Variants in MAMLD1 observed in about 807,000 individuals in gnomAD.
The protein encoded by MAMLD1 is mastermind-like domain-containing protein 1.
A neutral mutation model predicts 45.0 loss-of-function variants in MAMLD1; 14 were observed. The ratio of observed to expected loss-of-function variants is 0.31; its 90% confidence interval spans 0.21 to 0.49. The LOEUF (loss-of-function observed/expected upper bound fraction) is 0.49. Ranked by LOEUF, MAMLD1 falls within the 20% of genes least tolerant of loss-of-function variation. The pLI is 0.99. For missense variants in MAMLD1, 543 were observed against 603.6 expected, an observed-to-expected ratio of 0.90 and a Z score of 1.05; for synonymous variants, 254 against 247.8, an observed-to-expected ratio of 1.02 and a Z score of -0.24.
chrX:150,461,680 C>CTGCATGGTTT (rs1438872567), intron 2 of MAMLD1, among the ~76,000 whole-genome samples: 4 of 111,414 alleles, frequency 3.6e-5, no homozygotes, highest in African/African-American at 1.3e-4. Context: ...CTGCATGGGA[C>CTGCATGGTTT]GGAGAAGACC....
At chrX:150,404,618 C>T (rs960759622) in intron 1 of MAMLD1, among the ~76,000 whole-genome samples, 5 of 111,224 alleles carry the variant, frequency 4.5e-5, no homozygotes, top group African/African-American at 1.6e-4. Flanking sequence ...ACACCATCAC[C>T]CCAGTCAAGA....
At chrX:150,505,464 G>A (rs1465463608) in intron 6 of MAMLD1, among the ~76,000 whole-genome samples, 1 of 112,206 alleles carries the variant, frequency 8.9e-6, no homozygotes, top group African/African-American at 3.2e-5. Flanking sequence ...GTAGACCCAT[G>A]ACCATGTTTG....
chrX:150,504,034 C>G (rs1200250436), intron 6 of MAMLD1: 2 of 752,438 alleles, frequency 2.7e-6, no homozygotes, highest in Non-Finnish European at 3.1e-6. Flanking sequence ...GACTCCCACA[C>G]CCTAGAGGCA....
chrX:150,482,171 T>A (rs1268437480), intron 5 of MAMLD1, among the ~76,000 whole-genome samples: 1 of 112,274 alleles, frequency 8.9e-6, no homozygotes, highest in Non-Finnish European at 1.9e-5. Flanking sequence ...TAGAATATTA[T>A]TCAGCCTTAA....
At chrX:150,488,815 T>C (rs782353688) in intron 5 of MAMLD1, among the ~76,000 whole-genome samples, 2 of 112,924 alleles carry the variant, frequency 1.8e-5, no homozygotes, top group Non-Finnish European at 3.7e-5. Flanking sequence ...AAGCCACCCA[T>C]TTGCTGGGTC....
At chrX:150,455,246 G>C (rs2035815763) in intron 2 of MAMLD1, among the ~76,000 whole-genome samples, 1 of 112,230 alleles carries the variant, frequency 8.9e-6, no homozygotes, top group Non-Finnish European at 1.9e-5. Flanking sequence ...AAAAAGTTAA[G>C]TTTGGATGAG....
chrX:150,436,506 T>C (rs1260836095), intron 1 of MAMLD1, among the ~76,000 whole-genome samples: 1 of 112,051 alleles, frequency 8.9e-6, no homozygotes, highest in Non-Finnish European at 1.9e-5. Context: ...GCTTGGTCAG[T>C]CCTGCTGTTA....
At chrX:150,374,110 A>T (rs1557401382) in intron 1 of MAMLD1, among the ~76,000 whole-genome samples, 1 of 112,631 alleles carries the variant, frequency 8.9e-6, no homozygotes, top group East Asian at 2.8e-4. Flanking sequence ...CCTCTTAGGG[A>T]TCACAGACTT....
At chrX:150,499,943 A>C (rs1385576899) in intron 5 of MAMLD1, among the ~76,000 whole-genome samples, 10 of 111,705 alleles carry the variant, frequency 9.0e-5, no homozygotes, top group Admixed American at 4.7e-4. Flanking sequence ...TGTTTATCCC[A>C]AAAAAAAGAC....
At position 150,459,390 on chromosome X, in the gene MAMLD1, G is replaced by GTC. The variant is rs369898273; in HGVS notation, c.97-3364_97-3363dup. ...TCTGCTTGTAGAGGAAGTTGGTATA[G>GTC]TCTCTCTCTCTCTCTCTCTTTCTCT... On this transcript the variant is annotated intron_variant, in intron 2 of 7. Coordinates refer to ENST00000370401, the MANE Select transcript of MAMLD1 (RefSeq NM_005491.5). Among the ~76,000 whole-genome samples, 143 of 108,853 alleles carry GTC rather than the reference G, an allele frequency of 1.3e-3. 1 individual carries two copies. Among genetic ancestry groups the GTC allele is most frequent in the Non-Finnish European group, 1.8e-3 (95 of 52,116 alleles). The allele number at this position is 108,853 out of a possible 115,157, so 94.5% of individuals were successfully genotyped here.
chrX:150,503,155 G>A (rs958553180), intron 5 of MAMLD1, 119 bp from the exon 6 acceptor site: 1 of 632,878 alleles, frequency 1.6e-6, no homozygotes, highest in African/African-American at 2.2e-5. Context: ...CACCAAAGCA[G>A]TTGGTGGGTA....
intron 1 of MAMLD1, among the ~76,000 whole-genome samples, chrX:150,416,705 T>C (rs2034257504): frequency 8.9e-6 from 1 of 112,624 alleles, no homozygotes; most frequent in African/African-American, 3.2e-5. Flanking sequence ...GAAAATTAAA[T>C]TGTTCCCTCC....
intron 5 of MAMLD1, among the ~76,000 whole-genome samples, chrX:150,487,923 C>G (rs1557407716): frequency 8.9e-6 from 1 of 112,950 alleles, no homozygotes; most frequent in Non-Finnish European, 1.9e-5. Flanking sequence ...GTGTGTTGCA[C>G]AAGTGCTATC....
intron 1 of MAMLD1, among the ~76,000 whole-genome samples, chrX:150,390,941 T>C (rs1217693325): frequency 8.9e-6 from 1 of 112,162 alleles, no homozygotes; most frequent in Admixed American, 9.4e-5. Context: ...AGATACATAA[T>C]TTGGGGTTGA....
chrX:150,365,097 C>A (rs1398499486), intron 1 of MAMLD1, among the ~76,000 whole-genome samples: 1 of 107,157 alleles, frequency 9.3e-6, no homozygotes, highest in Non-Finnish European at 2.0e-5. Flanking sequence ...CTTTATAGAT[C>A]CCCCCTCCCT....
chrX:150,497,430 C>T (rs1169386496), intron 5 of MAMLD1, among the ~76,000 whole-genome samples: 1 of 108,493 alleles, frequency 9.2e-6, no homozygotes, highest in Admixed American at 9.9e-5. Context: ...ACTACAGGCA[C>T]GCACCACCAT....
intron 5 of MAMLD1, among the ~76,000 whole-genome samples, chrX:150,475,478 T>C (rs2036557352): frequency 8.9e-6 from 1 of 112,620 alleles, no homozygotes; most frequent in African/African-American, 3.2e-5. Context: ...CATTTTTATG[T>C]ACAGACCAGC....
At chrX:150,453,695 T>G (rs1414590422) in intron 2 of MAMLD1, among the ~76,000 whole-genome samples, 3 of 111,835 alleles carry the variant, frequency 2.7e-5, no homozygotes, top group African/African-American at 9.8e-5. Context: ...TCCCATAGCC[T>G]GCAAGACCCT....
At chrX:150,449,904 C>T (rs2035607876) in intron 2 of MAMLD1, among the ~76,000 whole-genome samples, 1 of 111,957 alleles carries the variant, frequency 8.9e-6, no homozygotes, top group South Asian at 3.8e-4. Context: ...TGCACATTCG[C>T]TCATTTGCTT....
Sources: gnomAD v4.1 joint callset for allele counts (sites outside exome capture counted in the v4.1 genomes callset) on GRCh38, gnomAD v4.1.1 for gene constraint, MANE v1.5 for transcripts, NCBI Gene and HGNC (gene_info 2026-07-23, HGNC 2026-07-21) for gene names.